The following TOP2A variants were observed in gnomAD, a reference collection of about 807,000 sequenced individuals.
The protein encoded by TOP2A is DNA topoisomerase II alpha.
Under a neutral mutation model 187.2 loss-of-function variants are expected in TOP2A, and 68 were observed. The observed-to-expected ratio is 0.36, with a 90% CI of 0.30 to 0.44. The LOEUF (loss-of-function observed/expected upper bound fraction) is 0.44, where lower values mean the gene tolerates loss of function less well. Ranked by LOEUF, TOP2A falls within the 20% of genes least tolerant of loss-of-function variation. The pLI is 1.00. For missense variants in TOP2A, 1,196 were observed against 1,808.7 expected (o/e 0.66, Z 6.14); for synonymous variants, 542 against 593.2 (o/e 0.91, Z 1.25).
intron 32 of TOP2A, 102 bp from the exon 33 acceptor site, chr17:40,391,742 T>C (rs1490545058): frequency 1.7e-6 from 2 of 1,209,042 alleles, no homozygotes; most frequent in Non-Finnish European, 2.2e-6. Flanking sequence ...ACACCAAATA[T>C]GTGACTTTTC....
At chr17:40,394,566 C>T (rs902312901) in intron 29 of TOP2A, among the ~76,000 whole-genome samples, 2 of 152,150 alleles carry the variant, frequency 1.3e-5, no homozygotes, top group Admixed American at 1.3e-4. Context: ...CTCCTGACCT[C>T]AAGTGATCCG....
In TOP2A at chr17:40,392,639, C is replaced by T; in HGVS notation, c.3910G>A (p.Asp1304Asn). The T allele has an allele frequency of 1.9e-6, 3 of 1,613,510 alleles. No individual in the cohort carries two copies. The highest frequency in any genetic ancestry group is 2.5e-6 in the Non-Finnish European group (3 of 1,179,806). ...WSDSESDRSS[D>N]ESNFDVPPRE... is the part of the protein sequence containing the mutation. ...GGAGGGACATCAAAATTACTTTCGTCACTGCTCCTATCTGATTCTGAATCA... is the reference window on the plus strand; with the variant it reads ...GGAGGGACATCAAAATTACTTTCGTTACTGCTCCTATCTGATTCTGAATCA... Residue 1304 changes from aspartate to asparagine, a missense_variant, in exon 30 of 35, where the codon GAC (aspartate) becomes AAC (asparagine). Asp to Asn is a conservative substitution (Grantham distance 23). This residue lies in a region of TOP2A where 374 missense variants were observed against 403.3 expected (regional missense o/e 0.93). Transcript: ENST00000423485.
intron 32 of TOP2A, 145 bp from the exon 33 acceptor site, chr17:40,391,785 T>C (rs2035024778): frequency 3.0e-6 from 3 of 1,016,278 alleles, no homozygotes; most frequent in Non-Finnish European, 2.7e-6. Context: ...TAAAACTTTG[T>C]TCTAATTTCT....
chr17:40,406,305 A>C, intron 16 of TOP2A, 79 bp downstream of exon 16: 1 of 1,004,180 alleles, frequency 1.0e-6, no homozygotes, highest in Non-Finnish European at 1.4e-6. Context: ...GGAGTCTTAT[A>C]CAAAAATGTA....
chr17:40,389,394 A>G lies in TOP2A; in HGVS notation c.*125T>C. 1 of 1,076,236 alleles carries G rather than the reference A, an allele frequency of 9.3e-7. No homozygotes were observed. The highest frequency in any genetic ancestry group is 1.3e-6 in the Non-Finnish European group (1 of 767,250). The allele number at this position is 1,076,236 out of a possible 1,614,324, so 66.7% of individuals were successfully genotyped here. On this transcript the variant is annotated 3_prime_UTR_variant, in exon 35 of 35. Transcript: ENST00000423485. ...AACACTTGGGCTTTACTTCACTTTG[A>G]TGTCTTGTACTAAAAACACCTTCCC...
Position 40,417,572 on chromosome 17 carries a change from G to A in TOP2A, c.21+199C>T. 6 of 1,437,078 alleles carry A rather than the reference G, an allele frequency of 4.2e-6. No homozygotes were observed. In the South Asian group the frequency reaches 8.8e-5, roughly 21 times the overall value. The allele number at this position is 1,437,078 out of a possible 1,614,324, so 89.0% of individuals were successfully genotyped here. A position where few individuals can be genotyped will look rare whatever the true frequency, so the allele number is the denominator to read the frequency against. On this transcript the variant is annotated intron_variant, in intron 1 of 34. Transcript: ENST00000423485. ...GGCAACAACGCACGACACCCTGGAA[G>A]CCGGGTCATACTTCACTACTAGCAC...
intron 4 of TOP2A, among the ~76,000 whole-genome samples, chr17:40,415,222 T>G (rs578132782): frequency 4.5e-4 from 68 of 152,012 alleles, no homozygotes; most frequent in Non-Finnish European, 7.1e-4. Flanking sequence ...ACCCGGCTAA[T>G]TTTTTGTATT....
chr17:40,394,138 A>G (rs147972422), intron 29 of TOP2A, among the ~76,000 whole-genome samples: 278 of 152,032 alleles, frequency 1.8e-3, no homozygotes, highest in African/African-American at 6.3e-3. Context: ...AAAATGTGTT[A>G]AGTAAAGAAG....
chr17:40,398,042 T>G (rs1229292858), intron 27 of TOP2A, among the ~76,000 whole-genome samples: 1 of 151,852 alleles, frequency 6.6e-6, no homozygotes, highest in Non-Finnish European at 1.5e-5. Flanking sequence ...CCTCCCAAAG[T>G]GCTGGGATTG....
intron 2 of TOP2A, 66 bp from the exon 3 acceptor site, chr17:40,416,578 C>A: frequency 6.9e-7 from 1 of 1,445,428 alleles, no homozygotes; most frequent in East Asian, 2.3e-5. Context: ...ATCATGATTA[C>A]CATAAAGTGT....
At chr17:40,393,935 A>G (rs531042342) in intron 29 of TOP2A, among the ~76,000 whole-genome samples, 2 of 152,162 alleles carry the variant, frequency 1.3e-5, no homozygotes, top group South Asian at 4.2e-4. Flanking sequence ...GCGTGCCTGT[A>G]ATCCCAGCTC....
At position 40,396,389 on chromosome 17, in the gene TOP2A, GT is replaced by G. The variant is rs1320810962; in HGVS notation, c.3613del (p.Thr1205HisfsTer19). Reference sequence around the variant, plus strand: ...AGAAGGCAAAACTTCAGCCATTTGTGTTTTTTTCCCCTTGGCCTTCCCCCCT... The same window carrying G: ...AGAAGGCAAAACTTCAGCCATTTGTGTTTTTTCCCCTTGGCCTTCCCCCCT... ...GKGGKAKGKK[T>X]QMAEVLPSPR... On this transcript the variant is annotated frameshift_variant, in exon 28 of 35. Coordinates refer to ENST00000423485, the MANE Select transcript of TOP2A (RefSeq NM_001067.4). LOFTEE classifies it high-confidence loss of function. 6.2e-7 allele frequency: 1 copy of G among 1,613,902 alleles called. No individual in the cohort carries two copies. Among genetic ancestry groups the G allele is most frequent in the South Asian group, 1.1e-5 (1 of 91,084 alleles).
At position 40,390,174 on chromosome 17, in the gene TOP2A, A is replaced by C; in HGVS notation, c.4268-10T>G. On this transcript the variant is annotated splice_polypyrimidine_tract_variant and intron_variant, in intron 33 of 34. Transcript: ENST00000423485. The stretch of plus-strand genomic sequence containing the variant: ...GAGGTGGAAGACTGACCTGCAATTC[A>C]ATACAGGCATTTGTCACAGCTGCTC... The C allele has an allele frequency of 6.2e-7, 1 of 1,603,262 alleles. No individual in the cohort carries two copies. The highest frequency in any genetic ancestry group is 8.5e-7 in the Non-Finnish European group (1 of 1,175,668).
chr17:40,397,778 A>AT (rs1379272976), intron 27 of TOP2A, among the ~76,000 whole-genome samples: 232 of 136,602 alleles, frequency 1.7e-3, no homozygotes, highest in South Asian at 5.4e-3. Flanking sequence ...TCTAAATAGT[A>AT]TTTTTTTTTT....
intron 28 of TOP2A, 107 bp from the exon 29 acceptor site, chr17:40,395,646 A>G: frequency 1.4e-6 from 1 of 692,104 alleles, no homozygotes; most frequent in Non-Finnish European, 2.3e-6. Context: ...CTGTAATCCC[A>G]GCACTTTGGG....
At position 40,400,426 on chromosome 17, in the gene TOP2A, T is replaced by C. The variant is rs1477516738; in HGVS notation, c.2800-17A>G. On this transcript the variant is annotated splice_polypyrimidine_tract_variant and intron_variant, in intron 22 of 34. Coordinates refer to ENST00000423485, the MANE Select transcript of TOP2A (RefSeq NM_001067.4). ...TTTGTATGTCTAAAGAAAGAAATAA[T>C]CCTGAAGTTTCTAAAATATAGGCTT... 6.2e-7 allele frequency: 1 copy of C among 1,610,386 alleles called. No homozygotes were observed. Among genetic ancestry groups the C allele is most frequent in the African/African-American group, 1.3e-5 (1 of 74,616 alleles).
At chr17:40,396,073 G>A (rs928500385) in intron 28 of TOP2A, among the ~76,000 whole-genome samples, 1 of 150,996 alleles carries the variant, frequency 6.6e-6, no homozygotes, top group South Asian at 2.1e-4. Flanking sequence ...TCTGCCTCCC[G>A]GGTTCAAGCG....
intron 10 of TOP2A, chr17:40,410,738 G>GT (rs1355741976): frequency 7.0e-6 from 3 of 428,560 alleles, no homozygotes; most frequent in East Asian, 7.0e-5. Context: ...ATAGGAAGTT[G>GT]TTTTTTTGTT....
intron 3 of TOP2A, 93 bp downstream of exon 3, chr17:40,416,329 T>C (rs1332253471): frequency 5.4e-6 from 5 of 931,908 alleles, no homozygotes; most frequent in Admixed American, 5.5e-5. Context: ...ATGATACTTT[T>C]TGTTTTTACT....
Sources: allele counts gnomAD v4.1 joint callset (sites outside exome capture counted in the v4.1 genomes callset), GRCh38; gene constraint gnomAD v4.1.1; regional missense constraint gnomAD v4.1.1; transcripts MANE v1.5; gene names NCBI Gene and HGNC (gene_info 2026-07-23, HGNC 2026-07-21).